ABTB2: variants seen among roughly 807,000 people sequenced by gnomAD.
ABTB2 encodes ankyrin repeat and BTB domain containing 2.
ABTB2 carries 56 observed loss-of-function variants against 104.1 expected under a neutral mutation model. The observed-to-expected ratio is 0.54, with a 90% CI of 0.43 to 0.67. The LOEUF (loss-of-function observed/expected upper bound fraction) is 0.67. Among genes scored for constraint, ABTB2 ranks in the 30% least tolerant of loss-of-function variants. ABTB2 has a pLI of 0.00. For synonymous variants in ABTB2, 606 were observed against 608.2 expected (o/e 1.00, Z 0.05); for missense variants, 1,279 against 1,407.7 (o/e 0.91, Z 1.46).
chr11:34,182,497 T>TGGGGGG (rs1157886289), intron 3 of ABTB2, among the ~76,000 whole-genome samples: 1 of 69,938 alleles, frequency 1.4e-5, no homozygotes, highest in African/African-American at 8.6e-5. Flanking sequence ...TTGGGTTCTC[T>TGGGGGG]GGGGGGGGGG....
At chr11:34,268,589 C>A (rs1442064504) in intron 1 of ABTB2, among the ~76,000 whole-genome samples, 1 of 152,212 alleles carries the variant, frequency 6.6e-6, no homozygotes, top group Non-Finnish European at 1.5e-5. Context: ...GAATGCTGCA[C>A]CGGCAGGGTG....
At chr11:34,230,618 G>A (rs760664581) in intron 1 of ABTB2, among the ~76,000 whole-genome samples, 2 of 152,024 alleles carry the variant, frequency 1.3e-5, no homozygotes, top group Non-Finnish European at 2.9e-5. Flanking sequence ...AAGCATCTGT[G>A]GTCATTTATT....
At chr11:34,342,586 T>C (rs926623) in intron 1 of ABTB2, among the ~76,000 whole-genome samples, 60,114 of 152,052 alleles carry the variant, frequency 0.4, 12,183 homozygotes, top group African/African-American at 0.46. Flanking sequence ...AGTAAGAGTA[T>C]ATATGATGGT....
chr11:34,334,860 C>T (rs899512366), intron 1 of ABTB2, among the ~76,000 whole-genome samples: 1 of 150,224 alleles, frequency 6.7e-6, no homozygotes, highest in Non-Finnish European at 1.5e-5. Context: ...GGAGAAATAA[C>T]AATAACAGAT....
At position 34,351,738 on chromosome 11, in the gene ABTB2, GCA is replaced by G. The variant is rs370846828; in HGVS notation, c.883+4961_883+4962del. ...GGGAAGACAGCAATGCCTATGAAGT[GCA>G]CAGTTTTATGGGAGAGACACACACA... On this transcript the variant is annotated intron_variant, in intron 1 of 16. Transcript: ENST00000435224. Among the ~76,000 whole-genome samples the G allele has an allele frequency of 8.2e-4, 124 of 152,040 alleles. 1 individual carries two copies. The highest frequency in any genetic ancestry group is 2.9e-3 in the African/African-American group (120 of 41,388).
chr11:34,156,483 A>G (rs954092792), intron 14 of ABTB2, among the ~76,000 whole-genome samples: 2 of 150,960 alleles, frequency 1.3e-5, no homozygotes, highest in Non-Finnish European at 2.9e-5. Flanking sequence ...ACCATGTGGG[A>G]AGGGCAGGGT....
intron 1 of ABTB2, among the ~76,000 whole-genome samples, chr11:34,283,822 T>A (rs1473516312): frequency 6.6e-6 from 1 of 152,194 alleles, no homozygotes; most frequent in African/African-American, 2.4e-5. Context: ...TTTGGTTCCT[T>A]ACTCTCAGCA....
intron 1 of ABTB2, among the ~76,000 whole-genome samples, chr11:34,259,118 G>T (rs571956639): frequency 1.3e-5 from 2 of 152,268 alleles, no homozygotes; most frequent in East Asian, 3.9e-4. Context: ...TGTTACTGTT[G>T]CAATTGTTCT....
intron 1 of ABTB2, among the ~76,000 whole-genome samples, chr11:34,226,773 C>T (rs1433606197): frequency 1.3e-5 from 2 of 152,018 alleles, no homozygotes; most frequent in East Asian, 3.8e-4. Flanking sequence ...AAAAAGAAAA[C>T]GTTTGGTATG....
At chr11:34,259,556 G>A (rs1854163779) in intron 1 of ABTB2, among the ~76,000 whole-genome samples, 1 of 152,176 alleles carries the variant, frequency 6.6e-6, no homozygotes, top group Non-Finnish European at 1.5e-5. Flanking sequence ...TCTCCTCTGG[G>A]TGATATAGAA....
chr11:34,270,493 C>T (rs932538132), intron 1 of ABTB2, among the ~76,000 whole-genome samples: 2 of 152,164 alleles, frequency 1.3e-5, no homozygotes, highest in African/African-American at 2.4e-5. Flanking sequence ...GCACCTACCA[C>T]CACACCTAGC....
chr11:34,181,663 G>A (rs1481735692), intron 3 of ABTB2, among the ~76,000 whole-genome samples: 1 of 152,210 alleles, frequency 6.6e-6, no homozygotes, highest in Non-Finnish European at 1.5e-5. Flanking sequence ...CAGGGTGGGT[G>A]TGAGCATACA....
chr11:34,235,151 G>A (rs1041099867), intron 1 of ABTB2, among the ~76,000 whole-genome samples: 10 of 152,098 alleles, frequency 6.6e-5, no homozygotes, highest in African/African-American at 2.2e-4. Flanking sequence ...GTGAGCCACC[G>A]TGCCCGGCCG....
chr11:34,335,829 A>C, intron 1 of ABTB2: 2 of 1,307,746 alleles, frequency 1.5e-6, no homozygotes, highest in Non-Finnish European at 2.2e-6. Context: ...CCATAGTTTC[A>C]TCAGGCCACA....
intron 16 of ABTB2, 135 bp from the exon 17 acceptor site, chr11:34,152,719 C>G: frequency 1.3e-6 from 1 of 791,944 alleles, no homozygotes; most frequent in Non-Finnish European, 2.0e-6. Flanking sequence ...GTTCCCTGTC[C>G]CTGCATCCTG....
chr11:34,194,432 C>T (rs115874193), intron 3 of ABTB2, among the ~76,000 whole-genome samples: 2,028 of 152,338 alleles, frequency 0.013, 37 homozygotes, highest in African/African-American at 0.047. Flanking sequence ...AGACAGACGT[C>T]GCACATCCCC....
intron 1 of ABTB2, among the ~76,000 whole-genome samples, chr11:34,316,092 TAAA>T (rs1854925952): frequency 6.6e-6 from 1 of 152,210 alleles, no homozygotes; most frequent in South Asian, 2.1e-4. Context: ...AGAACAAGGC[TAAA>T]AATGCCGATG....
At chr11:34,322,948 C>T (rs1281596774) in intron 1 of ABTB2, among the ~76,000 whole-genome samples, 4 of 152,176 alleles carry the variant, frequency 2.6e-5, no homozygotes, top group Non-Finnish European at 5.9e-5. Flanking sequence ...CTCGCTCTAT[C>T]GCCCAGGCTG....
intron 1 of ABTB2, among the ~76,000 whole-genome samples, chr11:34,212,390 A>T (rs1049672646): frequency 1.3e-5 from 2 of 152,224 alleles, no homozygotes; most frequent in African/African-American, 4.8e-5. Flanking sequence ...CTAATAATAA[A>T]TGGACATGGA....
Sources: allele counts gnomAD v4.1 joint callset (sites outside exome capture counted in the v4.1 genomes callset), GRCh38; gene constraint gnomAD v4.1.1; transcripts MANE v1.5; gene names NCBI Gene and HGNC (gene_info 2026-07-23, HGNC 2026-07-21).